ACAP2: variants seen among roughly 807,000 people sequenced by gnomAD.
ACAP2 encodes the protein ArfGAP with coiled-coil, ankyrin repeat and PH domains 2.
ACAP2 carries 39 observed loss-of-function variants against 115.8 expected under a neutral mutation model. The observed-to-expected ratio is 0.34, with a 90% CI of 0.26 to 0.44. ACAP2 has a LOEUF of 0.44. Among genes scored for constraint, ACAP2 ranks in the 20% least tolerant of loss-of-function variants. The pLI is 1.00. For synonymous variants in ACAP2, 289 were observed against 315.8 expected (o/e 0.92, Z 0.90); for missense variants, 662 against 927.6 (o/e 0.71, Z 3.72).
In ACAP2 at chr3:195,277,976, G is replaced by T. The variant is rs1239118003; in HGVS notation, c.*1352C>A. The T allele has an allele frequency of 6.6e-6, 1 of 151,926 alleles. No homozygotes were observed. Among genetic ancestry groups the T allele is most frequent in the Admixed American group, 6.6e-5 (1 of 15,246 alleles). The allele number at this position is 151,926 out of a possible 1,614,324, so 9.4% of individuals were successfully genotyped here. On this transcript the variant is annotated 3_prime_UTR_variant, in exon 23 of 23. Coordinates refer to ENST00000326793, the MANE Select transcript of ACAP2 (RefSeq NM_012287.6). The stretch of plus-strand genomic sequence containing the variant: ...GGTGCCTGTAGTCCCAGCTACTCGG[G>T]AGGCTGAGGCAGGAGAATTGCTTGA...
At chr3:195,401,010 C>A (rs539806395) in intron 1 of ACAP2, among the ~76,000 whole-genome samples, 3 of 152,330 alleles carry the variant, frequency 2.0e-5, no homozygotes, top group East Asian at 1.9e-4. Flanking sequence ...CCAGTCCCAG[C>A]AGCATAGCAA....
intron 1 of ACAP2, among the ~76,000 whole-genome samples, chr3:195,439,535 GTTTA>G (rs1485119180): frequency 3.9e-5 from 6 of 152,034 alleles, no homozygotes; most frequent in South Asian, 4.1e-4. Flanking sequence ...TCAGAAAGAT[GTTTA>G]TTTATTCAAT....
rs978965146 is a variant in ACAP2, at chr3:195,337,042, T to C, written c.529-66A>G. ...TTAAAGCTAATCCATAATGCAATAT[T>C]GTAAAGCTTATTTTAATGGTTTAAT... On this transcript the variant is annotated intron_variant, in intron 6 of 22. Transcript: ENST00000326793. 46 of 1,386,624 alleles carry C rather than the reference T, an allele frequency of 3.3e-5. No individual in the cohort carries two copies. The African/African-American group carries it at 4.9e-4, about 15-fold the overall frequency. The allele number at this position is 1,386,624 out of a possible 1,614,324, so 85.9% of individuals were successfully genotyped here.
chr3:195,428,055 C>T (rs1231358808), intron 1 of ACAP2, among the ~76,000 whole-genome samples: 2 of 151,192 alleles, frequency 1.3e-5, no homozygotes, highest in African/African-American at 2.4e-5. Flanking sequence ...AAAATTGTTA[C>T]CAAATTATCA....
chr3:195,347,045 A>C (rs1184230204), intron 4 of ACAP2, among the ~76,000 whole-genome samples: 1 of 152,142 alleles, frequency 6.6e-6, no homozygotes, highest in African/African-American at 2.4e-5. Flanking sequence ...TTTGGTGTGG[A>C]GACCCAACTG....
At chr3:195,285,102 T>G (rs906571583) in intron 22 of ACAP2, among the ~76,000 whole-genome samples, 1 of 152,242 alleles carries the variant, frequency 6.6e-6, no homozygotes, top group Non-Finnish European at 1.5e-5. Context: ...TCCGCTTATC[T>G]AAGAGATAAT....
intron 1 of ACAP2, among the ~76,000 whole-genome samples, chr3:195,405,631 A>G (rs929033005): frequency 2.0e-5 from 3 of 151,956 alleles, no homozygotes; most frequent in African/African-American, 7.3e-5. Context: ...GGTTGCAGTG[A>G]GCTGAGATTG....
chr3:195,361,465 T>G (rs1412932644), intron 4 of ACAP2, among the ~76,000 whole-genome samples: 3 of 151,160 alleles, frequency 2.0e-5, no homozygotes, highest in South Asian at 2.1e-4. Flanking sequence ...ACTAAAAAAT[T>G]TATTGAAGCA....
chr3:195,394,045 T>C (rs1711545233), intron 1 of ACAP2, among the ~76,000 whole-genome samples: 1 of 152,206 alleles, frequency 6.6e-6, no homozygotes, highest in Non-Finnish European at 1.5e-5. Flanking sequence ...ATTGTTTAAC[T>C]ATTTTCAGCA....
At chr3:195,284,249 T>C (rs1726701162) in intron 22 of ACAP2, among the ~76,000 whole-genome samples, 1 of 152,228 alleles carries the variant, frequency 6.6e-6, no homozygotes, top group African/African-American at 2.4e-5. Context: ...CTTACAAATA[T>C]CAGGTCATAT....
At chr3:195,365,839 T>A in intron 4 of ACAP2, among the ~76,000 whole-genome samples, 1 of 140,092 alleles carries the variant, frequency 7.1e-6, no homozygotes, top group Non-Finnish European at 1.5e-5. Context: ...CTGCCTATAG[T>A]AATTTTTTTT....
chr3:195,324,247 T>TAC (rs1729630807), intron 9 of ACAP2, among the ~76,000 whole-genome samples: 5 of 152,070 alleles, frequency 3.3e-5, no homozygotes, highest in Admixed American at 2.6e-4. Context: ...TAAGACAGCA[T>TAC]AGTATTGACA....
In ACAP2 at chr3:195,442,853, C is replaced by T. The variant is rs765171245; in HGVS notation, c.-6G>A. 8.8e-5 allele frequency: 134 copies of T among 1,515,422 alleles called. No homozygotes were observed. The highest frequency in any genetic ancestry group is 1.1e-4 in the Non-Finnish European group (125 of 1,131,996). 93.9% of individuals were successfully genotyped at this position (1,515,422 alleles called of 1,614,324 possible). A position where few individuals can be genotyped will look rare whatever the true frequency, so the allele number is the denominator to read the frequency against. On this transcript the variant is annotated 5_prime_UTR_variant, in exon 1 of 23. Transcript: ENST00000326793. ...AAATCCACAGTCATCTTCATCCTGC[C>T]TCCGCCTCGCAGGCGGCGCTGGCAA...
intron 1 of ACAP2, among the ~76,000 whole-genome samples, chr3:195,424,846 G>T (rs1714539962): frequency 6.9e-6 from 1 of 145,544 alleles, no homozygotes; most frequent in Admixed American, 7.1e-5. Flanking sequence ...GAGCCAAGAG[G>T]TCAAGGCTGC....
chr3:195,284,488 G>GA (rs914232233), intron 22 of ACAP2, among the ~76,000 whole-genome samples: 1 of 152,108 alleles, frequency 6.6e-6, no homozygotes, highest in African/African-American at 2.4e-5. Flanking sequence ...TGATCCATAG[G>GA]ATTCAAGTGG....
intron 1 of ACAP2, among the ~76,000 whole-genome samples, chr3:195,432,726 G>A (rs566380512): frequency 7.7e-4 from 118 of 152,272 alleles, no homozygotes; most frequent in Non-Finnish European, 1.5e-3. Context: ...CAAAGAAACC[G>A]GTTGGAATTT....
intron 15 of ACAP2, among the ~76,000 whole-genome samples, chr3:195,299,569 T>A (rs1384529157): frequency 6.8e-6 from 1 of 147,334 alleles, no homozygotes; most frequent in African/African-American, 2.5e-5. Context: ...CCGGGCGCGG[T>A]GGCTCACGCC....
At chr3:195,342,994 CAAA>C (rs11444212) in intron 5 of ACAP2, among the ~76,000 whole-genome samples, 1 of 129,140 alleles carries the variant, frequency 7.7e-6, no homozygotes, top group Non-Finnish European at 1.7e-5. Flanking sequence ...GACTCCGACT[CAAA>C]AAAAAAAAAA....
At chr3:195,412,932 A>C in intron 1 of ACAP2, 2 of 456,208 alleles carry the variant, frequency 4.4e-6, no homozygotes, top group Non-Finnish European at 8.8e-6. Context: ...TGAAGGAAAC[A>C]CAATTAGTAA....
Sources: gnomAD v4.1 joint callset for allele counts (sites outside exome capture counted in the v4.1 genomes callset) on GRCh38, gnomAD v4.1.1 for gene constraint, MANE v1.5 for transcripts, NCBI Gene and HGNC (gene_info 2026-07-23, HGNC 2026-07-21) for gene names.